NIBAN2: variants seen among roughly 807,000 people sequenced by gnomAD.
NIBAN2 encodes niban apoptosis regulator 2.
Under a neutral mutation model 81.8 loss-of-function variants are expected in NIBAN2, and 36 were observed. The ratio of observed to expected loss-of-function variants is 0.44; its 90% CI spans 0.34 to 0.58. NIBAN2 has a LOEUF of 0.58. Ranked by LOEUF, NIBAN2 falls within the 20% of genes least tolerant of loss-of-function variation. The pLI, the probability that NIBAN2 is intolerant of heterozygous loss-of-function variation, is 0.02. For missense variants in NIBAN2, 897 were observed against 1,014.1 expected, an observed-to-expected ratio of 0.88 and a Z score of 1.57; for synonymous variants, 445 against 441.6, an observed-to-expected ratio of 1.01 and a Z score of -0.10.
intron 1 of NIBAN2, among the ~76,000 whole-genome samples, chr9:127,538,069 A>G (rs913333990): frequency 6.6e-6 from 1 of 152,194 alleles, no homozygotes; most frequent in African/African-American, 2.4e-5. Flanking sequence ...ATGCAGGTCC[A>G]GGGCAAAACT....
rs1428941248 is a variant in NIBAN2 at position 127,507,897 on chromosome 9, G to T, written c.1624C>A (p.Leu542Met). 10 of 1,614,180 alleles carry T rather than the reference G, an allele frequency of 6.2e-6. No homozygotes were observed. Among genetic ancestry groups the T allele is most frequent in the African/African-American group, 1.3e-5 (1 of 75,058 alleles). Residue 542 changes from leucine to methionine, a missense_variant, in exon 13 of 14, where the codon CTG becomes ATG. By Grantham distance (15) the Leu-to-Met change is conservative (BLOSUM62 2). Around this residue, in one of 3 missense-constraint regions of NIBAN2, gnomAD observed 619 missense variants for 691.0 expected, o/e 0.90. Transcript: ENST00000373312. This position sits in a 1 kb window ranked among gnomAD's most constrained non-coding sequence, Gnocchi z 6.8. ...LVENTYEEVV[L>M]QTVMKDILQA... is the part of the protein sequence containing the mutation. ...AGGATGTCCTTCATGACGGTCTGCAGCACCACCTCCTCGTACGTGTTTTCC... is the reference window on the plus strand; with the variant it reads ...AGGATGTCCTTCATGACGGTCTGCATCACCACCTCCTCGTACGTGTTTTCC...
chr9:127,556,166 A>G (rs1169828091), intron 1 of NIBAN2, among the ~76,000 whole-genome samples: 3 of 152,258 alleles, frequency 2.0e-5, no homozygotes, highest in African/African-American at 7.2e-5. Flanking sequence ...AAGGACAAGA[A>G]TGAAGGGCTC....
chr9:127,555,279 T>C (rs1269193581), intron 1 of NIBAN2, among the ~76,000 whole-genome samples: 1 of 152,108 alleles, frequency 6.6e-6, no homozygotes. Context: ...GTCCTGTGTA[T>C]TGGTGGAGGG....
At chr9:127,574,983 G>GC (rs565087112) in intron 1 of NIBAN2, among the ~76,000 whole-genome samples, 82 of 152,290 alleles carry the variant, frequency 5.4e-4, no homozygotes, top group African/African-American at 1.9e-3. Flanking sequence ...CCTGCCTCCA[G>GC]CCCCCCATGC....
At position 127,506,982 on chromosome 9, in the gene NIBAN2, G is replaced by A. The variant is rs749869801; in HGVS notation, c.2104C>T (p.Leu702=). Residue 702 remains leucine (L), a synonymous_variant, in exon 14 of 14, where the codon CTG becomes TTG. Transcript: ENST00000373312. Reference sequence around the variant, plus strand: ...CCAAGGTCCACAGCCTTTCCAGGCAGGAGATGCTGGAGGGGTGAGGCAGGC... The same window carrying A: ...CCAAGGTCCACAGCCTTTCCAGGCAAGAGATGCTGGAGGGGTGAGGCAGGC... ...SPPASPLQHL[L]PGKAVDLGPP... The A allele has an allele frequency of 9.4e-6, 15 of 1,600,438 alleles. No homozygotes were observed. Among genetic ancestry groups the A allele is most frequent in the East Asian group, 2.2e-5 (1 of 44,720 alleles).
chr9:127,569,360 G>A, upstream of NIBAN2, among the ~76,000 whole-genome samples: 1 of 151,830 alleles, frequency 6.6e-6, no homozygotes, highest in Admixed American at 6.6e-5. Context: ...GAAGGTCCCA[G>A]AAAGGGAGAC....
Position 127,508,566 on chromosome 9 carries a change from G to A in NIBAN2, c.1318-28C>T. The A allele has an allele frequency of 1.3e-6, 2 of 1,581,940 alleles. No homozygotes were observed. The highest frequency in any genetic ancestry group is 1.7e-6 in the Non-Finnish European group (2 of 1,152,236). On this transcript the variant is annotated intron_variant, in intron 10 of 13. Coordinates refer to ENST00000373312, the MANE Select transcript of NIBAN2 (RefSeq NM_022833.4). The surrounding 1 kb of genome is among the most constrained non-coding windows in gnomAD (Gnocchi z 6.4). The stretch of plus-strand genomic sequence containing the variant: ...GCAGGGCATACCGCGGACATGTGAA[G>A]CCCCCAGGGTGACCACAGCCCCTTC...
chr9:127,547,654 A>G (rs111966111), intron 1 of NIBAN2, among the ~76,000 whole-genome samples: 11,107 of 152,010 alleles, frequency 0.073, 449 homozygotes, highest in Non-Finnish European at 0.087. Context: ...CCTGACCAAC[A>G]TGGAGAAACC....
intron 2 of NIBAN2, 125 bp downstream of exon 2, chr9:127,531,523 G>A (rs1352457449): frequency 7.7e-6 from 6 of 778,224 alleles, no homozygotes; most frequent in Non-Finnish European, 1.2e-5. Flanking sequence ...AAAGAAGCTG[G>A]GGAGACCCTT....
At chr9:127,551,491 C>A (rs1173240759) in intron 1 of NIBAN2, among the ~76,000 whole-genome samples, 1 of 151,988 alleles carries the variant, frequency 6.6e-6, no homozygotes, top group Non-Finnish European at 1.5e-5. Context: ...CCACTGCACT[C>A]CAGCCTGGGC....
At chr9:127,578,993 C>A, upstream of NIBAN2, 1 of 1,496,096 alleles carries the variant, frequency 6.7e-7, no homozygotes, top group Non-Finnish European at 9.2e-7. Flanking sequence ...GTTCCTGACT[C>A]CTAGCACGTC....
At chr9:127,509,432 C>T (rs1194321014) in intron 9 of NIBAN2, among the ~76,000 whole-genome samples, 1 of 152,152 alleles carries the variant, frequency 6.6e-6, no homozygotes, top group Non-Finnish European at 1.5e-5. Flanking sequence ...AAGTCATTCA[C>T]CCTCTCTGAG....
rs1173402184 is a variant in NIBAN2 at position 127,509,047 on chromosome 9, C to T, written c.1246G>A (p.Gly416Arg). ...YEKMESLRLD[G>R]LQQRFDVSST... ...GACACATCAAATCGCTGCTGCAGCC[C>T]GTCCAGTCGCAGCGACTCCATCTTC... The change falls in exon 10 of 14, where the codon GGG (glycine) becomes AGG (arginine). Residue 416 changes from glycine to arginine, a missense_variant. Physicochemically the swap from Gly to Arg is moderately radical, Grantham distance 125. Around this residue, in one of 3 missense-constraint regions of NIBAN2, gnomAD observed 619 missense variants for 691.0 expected, o/e 0.90. Coordinates refer to ENST00000373312, the MANE Select transcript of NIBAN2 (RefSeq NM_022833.4). 3.7e-6 allele frequency: 6 copies of T among 1,613,786 alleles called. No individual in the cohort carries two copies. The Admixed American group carries it at 5.0e-5, about 13-fold the overall frequency.
Position 127,516,841 on chromosome 9 carries a change from G to T in NIBAN2, c.973+16C>A. 1 of 1,604,984 alleles carries T rather than the reference G, an allele frequency of 6.2e-7. No individual in the cohort carries two copies. The highest frequency in any genetic ancestry group is 8.5e-7 in the Non-Finnish European group (1 of 1,172,476). The stretch of plus-strand genomic sequence containing the variant: ...GGCCCCTGGAGGGCCCGTCGAGCAC[G>T]GGGGTGGCTGCCTACCTCGGATCTT... On this transcript the variant is annotated intron_variant, in intron 8 of 13. Coordinates refer to ENST00000373312, the MANE Select transcript of NIBAN2 (RefSeq NM_022833.4).
At position 127,507,473 on chromosome 9, in the gene NIBAN2, C is replaced by T. The variant is rs1836632653; in HGVS notation, c.1655-42G>A. The stretch of plus-strand genomic sequence containing the variant: ...GAAGGGTCAGGACACAGCACTGATC[C>T]CACAGCCGCCCCTGTGCTGGACTCT... On this transcript the variant is annotated intron_variant, in intron 13 of 13. Coordinates refer to ENST00000373312, the MANE Select transcript of NIBAN2 (RefSeq NM_022833.4). The surrounding 1 kb of genome is among the most constrained non-coding windows in gnomAD (Gnocchi z 6.8). 1.4e-6 allele frequency: 2 copies of T among 1,429,968 alleles called. No individual in the cohort carries two copies. The highest frequency in any genetic ancestry group is 1.5e-5 in the South Asian group (1 of 67,262). 88.6% of individuals were successfully genotyped at this position (1,429,968 alleles called of 1,614,324 possible).
chr9:127,573,577 A>C (rs1837973832), upstream of NIBAN2, among the ~76,000 whole-genome samples: 1 of 152,042 alleles, frequency 6.6e-6, no homozygotes, highest in Non-Finnish European at 1.5e-5. Flanking sequence ...GCTGGAGGCC[A>C]TTTTGATGTC....
chr9:127,547,278 C>T (rs540671344), intron 1 of NIBAN2, among the ~76,000 whole-genome samples: 3 of 152,206 alleles, frequency 2.0e-5, no homozygotes, highest in South Asian at 4.1e-4. Flanking sequence ...CGCCTATAAT[C>T]CCAGCACTTT....
rs1026856029 is a variant in NIBAN2, at chr9:127,568,976, C to T, written c.-102G>A. 9.3e-7 allele frequency: 1 copy of T among 1,071,796 alleles called. No homozygotes were observed. The highest frequency in any genetic ancestry group is 1.1e-6 in the Non-Finnish European group (1 of 904,450). 66.4% of individuals were successfully genotyped at this position (1,071,796 alleles called of 1,614,324 possible). ...CCATGGAGCCCGGCCCGCCCTGCTT[C>T]CCCCGCTCCCGCCGCTCCCGCCGCT... On this transcript the variant is annotated 5_prime_UTR_variant, in exon 1 of 14. Transcript: ENST00000373312.
upstream of NIBAN2, among the ~76,000 whole-genome samples, chr9:127,572,871 C>A (rs574959164): frequency 1.3e-5 from 2 of 151,864 alleles, no homozygotes; most frequent in East Asian, 1.9e-4. Flanking sequence ...AGAATGAGAC[C>A]CCGTCGTTAA....
Sources: gnomAD v4.1 joint callset for allele counts (sites outside exome capture counted in the v4.1 genomes callset) on GRCh38, gnomAD v4.1.1 for gene constraint, gnomAD v4.1.1 regional missense constraint, Gnocchi (gnomAD v3.1) non-coding constraint, MANE v1.5 for transcripts, NCBI Gene and HGNC (gene_info 2026-07-23, HGNC 2026-07-21) for gene names.